Variants in TNR observed in about 807,000 individuals in gnomAD.
The protein encoded by TNR is tenascin R.
In TNR, 45 loss-of-function variants were observed where a neutral mutation model predicts 150.4. That is an observed-to-expected ratio of 0.30 (90% CI 0.24 to 0.38). TNR has a LOEUF of 0.38. TNR is among the 10% of genes least tolerant of loss of function. The pLI is 1.00. For synonymous variants in TNR, 687 were observed against 678.4 expected (o/e 1.01, Z -0.20); for missense variants, 1,544 against 1,759.1 (o/e 0.88, Z 2.19).
chr1:175,396,521 C>G (rs1195706708), intron 5 of TNR, 23 bp downstream of exon 5: 3 of 1,600,674 alleles, frequency 1.9e-6, no homozygotes, highest in Non-Finnish European at 2.6e-6. Flanking sequence ...AAAAATGAAG[C>G]AGGACGGGGA....
At chr1:175,658,880 G>A (rs190474386) in intron 1 of TNR, among the ~76,000 whole-genome samples, 104 of 152,312 alleles carry the variant, frequency 6.8e-4, no homozygotes, top group African/African-American at 2.5e-3. Context: ...CAAGTCTAAA[G>A]CACTGACTAT....
At chr1:175,477,572 G>A (rs548386283) in intron 2 of TNR, among the ~76,000 whole-genome samples, 29 of 152,168 alleles carry the variant, frequency 1.9e-4, no homozygotes, top group Non-Finnish European at 3.8e-4. Context: ...CCTGTGGAGT[G>A]CACCATCTAA....
chr1:175,573,722 G>C (rs1353139662), intron 1 of TNR, among the ~76,000 whole-genome samples: 1 of 152,212 alleles, frequency 6.6e-6, no homozygotes, highest in African/African-American at 2.4e-5. Flanking sequence ...CACGGCTGGG[G>C]GTGGCAGGGT....
chr1:175,331,127 TTTC>T (rs1324573235), intron 20 of TNR, among the ~76,000 whole-genome samples: 1 of 148,274 alleles, frequency 6.7e-6, no homozygotes, highest in Non-Finnish European at 1.5e-5. Context: ...TCTTTCTTTC[TTTC>T]TTTTCTTTCT....
Position 175,391,390 on chromosome 1 carries a change from AG to A in TNR, c.1404del (p.Phe469LeufsTer6). ...VIAQVPSDVTSFNQTGLKPGE... is the reference protein window; with the variant it reads ...VIAQVPSDVTXFNQTGLKPGE... ...CCAGGCTTTAGTCCTGTCTGGTTAA[AG>A]GACGTAACATCGCTGGGGACCTGAG... On this transcript the variant is annotated frameshift_variant, in exon 7 of 23. Transcript: ENST00000367674. LOFTEE classifies it high-confidence loss of function. The A allele has an allele frequency of 1.2e-6, 2 of 1,614,214 alleles. No individual in the cohort carries two copies. Among genetic ancestry groups the A allele is most frequent in the Non-Finnish European group, 1.7e-6 (2 of 1,180,040 alleles).
intron 2 of TNR, among the ~76,000 whole-genome samples, chr1:175,491,801 C>T (rs962616820): frequency 6.6e-6 from 1 of 152,056 alleles, no homozygotes; most frequent in Non-Finnish European, 1.5e-5. Context: ...AGGCACCCAC[C>T]ACCACACCCG....
rs753652754 is a variant in TNR at position 175,354,403 on chromosome 1, C to T, written c.3370G>A (p.Ala1124Thr). Residue 1124 changes from alanine (A) to threonine (T), a missense_variant, in exon 18 of 23, where the codon GCT (alanine) becomes ACT (threonine). This residue lies in a region of TNR where 290 missense variants were observed against 429.7 expected (regional missense o/e 0.67). Coordinates refer to ENST00000367674, the MANE Select transcript of TNR (RefSeq NM_003285.3). ...DTTWSSITST[A>T]FTTGGRVFPH... ...CATGCTCCCTCACCTGTGGTGAAAG[C>T]GGTGGAGGTGATGCTGCTCCACGTG... 1.3e-5 allele frequency: 21 copies of T among 1,613,904 alleles called. No homozygotes were observed. The highest frequency in any genetic ancestry group is 1.5e-5 in the Non-Finnish European group (18 of 1,179,876).
chr1:175,321,975 C>G lies in TNR; in HGVS notation c.*1382G>C, dbSNP rs1481532854. The G allele has an allele frequency of 6.6e-6, 1 of 152,144 alleles. No homozygotes were observed. The highest frequency in any genetic ancestry group is 2.4e-5 in the African/African-American group (1 of 41,404). 9.4% of individuals were successfully genotyped at this position (152,144 alleles called of 1,614,324 possible). Reference sequence around the variant, plus strand: ...CCTGACTCTTATTAAGCCACCTACACTAAGGAGGGCTTGGGTGAAGATAGA... The same window carrying G: ...CCTGACTCTTATTAAGCCACCTACAGTAAGGAGGGCTTGGGTGAAGATAGA... On this transcript the variant is annotated 3_prime_UTR_variant, in exon 23 of 23. Coordinates refer to ENST00000367674, the MANE Select transcript of TNR (RefSeq NM_003285.3).
chr1:175,569,429 C>A (rs1362742063), intron 1 of TNR, among the ~76,000 whole-genome samples: 1 of 152,184 alleles, frequency 6.6e-6, no homozygotes, highest in Non-Finnish European at 1.5e-5. Context: ...AACTATTGTT[C>A]CTAGCTGATG....
Position 175,403,180 on chromosome 1 carries a change from G to T in TNR, c.936C>A (p.Cys312Ter). ...GGCCCTGGTAGCCCTCTTCACAGACGCAGAGCCCCTCCTCACATTGTCCTC... is the reference window on the plus strand; with the variant it reads ...GGCCCTGGTAGCCCTCTTCACAGACTCAGAGCCCCTCCTCACATTGTCCTC... ...SGRGQCEEGL[C>*]VCEEGYQGPD... Residue 312 changes from cysteine (C) to a stop codon, truncating the protein, a stop_gained, in exon 4 of 23, where the codon TGC becomes TGA. Transcript: ENST00000367674. LOFTEE classifies it high-confidence loss of function. The T allele has an allele frequency of 1.2e-6, 2 of 1,613,998 alleles. No homozygotes were observed. Among genetic ancestry groups the T allele is most frequent in the Non-Finnish European group, 1.7e-6 (2 of 1,179,940 alleles).
intron 14 of TNR, 83 bp downstream of exon 14, chr1:175,362,580 C>A: frequency 6.5e-7 from 1 of 1,549,712 alleles, no homozygotes; most frequent in Non-Finnish European, 8.8e-7. Flanking sequence ...CCTTAGCCTC[C>A]AGAACCTTTC....
At chr1:175,657,853 G>GTATGTATATATATATATATATATA (rs1665231476) in intron 1 of TNR, among the ~76,000 whole-genome samples, 2 of 70,460 alleles carry the variant, frequency 2.8e-5, no homozygotes, top group Non-Finnish European at 5.5e-5. Flanking sequence ...CATGGAACAT[G>GTATGTATATATATATATATATATA]TATATATATA....
intron 2 of TNR, among the ~76,000 whole-genome samples, chr1:175,413,841 A>G (rs1654318459): frequency 6.6e-6 from 1 of 152,150 alleles, no homozygotes. Context: ...CTTATAAAAG[A>G]CGTAGAGAGA....
intron 2 of TNR, among the ~76,000 whole-genome samples, chr1:175,510,836 CTGGCAG>C (rs1343224359): frequency 5.9e-5 from 9 of 152,148 alleles, no homozygotes; most frequent in African/African-American, 2.2e-4. Flanking sequence ...TATCCTAGAA[CTGGCAG>C]ATTGTTTTTC....
At position 175,583,795 on chromosome 1, in the gene TNR, A is replaced by T. The variant is rs139941519; in HGVS notation, c.-164-55426T>A. ...ATTTGAGACACAGAAAAGGGAAAGG[A>T]CATCTCCAGTTGAGATAGTTCATGC... On this transcript the variant is annotated intron_variant, in intron 1 of 22. Transcript: ENST00000367674. Among the ~76,000 whole-genome samples the T allele has an allele frequency of 4.3e-4, 66 of 152,366 alleles. 1 individual carries two copies. In the East Asian group the frequency reaches 0.012, roughly 28 times the overall value.
Position 175,722,667 on chromosome 1 carries a change from G to A in TNR, c.-165+20559C>T, listed in dbSNP as rs906827774. Among the ~76,000 whole-genome samples the A allele has an allele frequency of 7.9e-5, 12 of 152,116 alleles. No homozygotes were observed. The East Asian group carries it at 1.4e-3, about 17-fold the overall frequency. Reference sequence around the variant, plus strand: ...TTTTATAGAGACAGGGTTTCACCACGTTGCTCACACTGGTCTTGAACTCCT... The same window carrying A: ...TTTTATAGAGACAGGGTTTCACCACATTGCTCACACTGGTCTTGAACTCCT... On this transcript the variant is annotated intron_variant, in intron 1 of 22. Transcript: ENST00000367674.
intron 1 of TNR, among the ~76,000 whole-genome samples, chr1:175,600,080 G>A (rs1257703562): frequency 6.6e-6 from 1 of 152,214 alleles, no homozygotes; most frequent in Non-Finnish European, 1.5e-5. Flanking sequence ...TCTGGAACTG[G>A]ACTCGGGGAT....
chr1:175,375,478 G>GT (rs1026109366), intron 9 of TNR, among the ~76,000 whole-genome samples: 6 of 151,692 alleles, frequency 4.0e-5, no homozygotes, highest in Admixed American at 1.3e-4. Flanking sequence ...GAGAATAATG[G>GT]GGGGGGAGTG....
At chr1:175,472,608 C>T (rs1026368400) in intron 2 of TNR, among the ~76,000 whole-genome samples, 5 of 152,184 alleles carry the variant, frequency 3.3e-5, no homozygotes, top group Non-Finnish European at 5.9e-5. Context: ...TTTCAGTTCT[C>T]TTATAATCGT....
Sources: gnomAD v4.1 joint callset for allele counts (sites outside exome capture counted in the v4.1 genomes callset) on GRCh38, gnomAD v4.1.1 for gene constraint, gnomAD v4.1.1 regional missense constraint, MANE v1.5 for transcripts, NCBI Gene and HGNC (gene_info 2026-07-23, HGNC 2026-07-21) for gene names.